GABBR2: variants seen among roughly 807,000 people sequenced by gnomAD.
The protein encoded by GABBR2 is gamma-aminobutyric acid type B receptor subunit 2.
Under a neutral mutation model 105.6 loss-of-function variants are expected in GABBR2, and 23 were observed. That is an observed-to-expected ratio of 0.22 (90% CI 0.16 to 0.31). GABBR2 has a LOEUF of 0.31. GABBR2 is among the 10% of genes least tolerant of loss of function. The pLI is 1.00. For missense variants in GABBR2, 734 were observed against 1,245.5 expected (o/e 0.59, Z 6.18); for synonymous variants, 478 against 499.7 (o/e 0.96, Z 0.58).
rs146319888 is a variant in GABBR2, at chr9:98,586,156, G to T, written c.322-8084C>A. 3.5e-3 allele frequency among the ~76,000 whole-genome samples: 525 copies of T among 152,148 alleles called. 10 individuals carry two copies. Among genetic ancestry groups the T allele is most frequent in the Admixed American group, 0.027 (412 of 15,290 alleles). On this transcript the variant is annotated intron_variant, in intron 1 of 18. Transcript: ENST00000259455. Reference sequence around the variant, plus strand: ...AGTATGAAAAATAGTAATGCGAACAGACAGTATATCCAGCATCACAGCTAT... The same window carrying T: ...AGTATGAAAAATAGTAATGCGAACATACAGTATATCCAGCATCACAGCTAT...
At chr9:98,496,790 G>A (rs1374627205) in intron 3 of GABBR2, among the ~76,000 whole-genome samples, 1 of 152,206 alleles carries the variant, frequency 6.6e-6, no homozygotes, top group South Asian at 2.1e-4. Flanking sequence ...GTCAAGATTA[G>A]CACCTTTGCT....
At chr9:98,350,399 T>C (rs1030009255) in intron 13 of GABBR2, among the ~76,000 whole-genome samples, 3 of 152,208 alleles carry the variant, frequency 2.0e-5, no homozygotes, top group Non-Finnish European at 4.4e-5. Flanking sequence ...CTCTTTGCAC[T>C]GCTTTTGCTG....
chr9:98,483,022 C>G (rs892262524), intron 4 of GABBR2, among the ~76,000 whole-genome samples: 1 of 152,134 alleles, frequency 6.6e-6, no homozygotes, highest in African/African-American at 2.4e-5. Context: ...AATCTCTCCC[C>G]CCAGCCTCAG....
At chr9:98,451,593 A>G (rs1417489366) in intron 7 of GABBR2, among the ~76,000 whole-genome samples, 2 of 152,146 alleles carry the variant, frequency 1.3e-5, no homozygotes, top group Non-Finnish European at 2.9e-5. Context: ...GGTTTGTTAA[A>G]ACACAGATGG....
rs1317187707 is a variant in GABBR2, at chr9:98,373,079, G to A, written c.1663-1508C>T. Reference sequence around the variant, plus strand: ...CATTATTACCCAGATGATCATAAAAGGATGTGAGAAAAATATACAAAACAG... The same window carrying A: ...CATTATTACCCAGATGATCATAAAAAGATGTGAGAAAAATATACAAAACAG... On this transcript the variant is annotated intron_variant, in intron 11 of 18. Transcript: ENST00000259455. Among the ~76,000 whole-genome samples, 4 of 152,036 alleles carry A rather than the reference G, an allele frequency of 2.6e-5. No individual in the cohort carries two copies. In the East Asian group the frequency reaches 7.7e-4, roughly 29 times the overall value.
chr9:98,610,914 C>T (rs1240237080), intron 1 of GABBR2, among the ~76,000 whole-genome samples: 1 of 152,138 alleles, frequency 6.6e-6, no homozygotes, highest in Non-Finnish European at 1.5e-5. Flanking sequence ...ATTGCTTGAG[C>T]CCGGGAGGCA....
chr9:98,451,053 G>A (rs978915860), intron 7 of GABBR2, among the ~76,000 whole-genome samples: 7 of 152,140 alleles, frequency 4.6e-5, no homozygotes, highest in African/African-American at 1.7e-4. Context: ...AATGCTACCC[G>A]TGGGACCCTG....
rs575107074 is a variant in GABBR2 at position 98,316,914 on chromosome 9, G to A, written c.1894-5709C>T. On this transcript the variant is annotated intron_variant, in intron 13 of 18. Coordinates refer to ENST00000259455, the MANE Select transcript of GABBR2 (RefSeq NM_005458.8). ...CTCGGGGCTGAGATTAAACCCAGGC[G>A]TGTGTGACTCTCAAACCAGCACTCC... 8.5e-5 allele frequency among the ~76,000 whole-genome samples: 13 copies of A among 152,256 alleles called. 1 individual carries two copies. The highest frequency in any genetic ancestry group is 7.7e-4 in the East Asian group (4 of 5,184).
At chr9:98,343,327 T>C (rs1831246737) in intron 13 of GABBR2, among the ~76,000 whole-genome samples, 1 of 152,164 alleles carries the variant, frequency 6.6e-6, no homozygotes, top group Admixed American at 6.5e-5. Context: ...CCTGCCACAG[T>C]GGCTGCCCTG....
At chr9:98,602,471 AAAAT>A in intron 1 of GABBR2, among the ~76,000 whole-genome samples, 1 of 151,190 alleles carries the variant, frequency 6.6e-6, no homozygotes, top group Non-Finnish European at 1.5e-5. Flanking sequence ...AAAAAAAAAA[AAAAT>A]GGTAAATGTC....
At chr9:98,452,685 T>C (rs77589545) in intron 7 of GABBR2, among the ~76,000 whole-genome samples, 6,403 of 152,336 alleles carry the variant, frequency 0.042, 190 homozygotes, top group East Asian at 0.15. Context: ...TAATACGCAA[T>C]CAAGAAGTAT....
intron 1 of GABBR2, among the ~76,000 whole-genome samples, chr9:98,680,601 G>A (rs1830532836): frequency 6.6e-6 from 1 of 152,128 alleles, no homozygotes; most frequent in South Asian, 2.1e-4. Context: ...GAGCCACCAT[G>A]CCCGGCCTCT....
intron 3 of GABBR2, among the ~76,000 whole-genome samples, chr9:98,526,946 C>T (rs1283516615): frequency 6.8e-6 from 1 of 147,704 alleles, no homozygotes; most frequent in East Asian, 2.6e-4. Context: ...GACATCAAAC[C>T]TTACTAAGAG....
At chr9:98,662,225 C>T (rs1048346342) in intron 1 of GABBR2, among the ~76,000 whole-genome samples, 4 of 152,130 alleles carry the variant, frequency 2.6e-5, no homozygotes, top group Admixed American at 6.5e-5. Flanking sequence ...TGTTGGTGGT[C>T]GGTGGGACAC....
intron 1 of GABBR2, among the ~76,000 whole-genome samples, chr9:98,636,995 CAGTT>C (rs1395156119): frequency 2.0e-5 from 3 of 152,134 alleles, no homozygotes; most frequent in African/African-American, 4.8e-5. Context: ...CGTTTGGAAA[CAGTT>C]AGCTCACCCG....
intron 6 of GABBR2, among the ~76,000 whole-genome samples, chr9:98,455,488 A>G (rs1826310021): frequency 6.6e-6 from 1 of 152,214 alleles, no homozygotes; most frequent in Admixed American, 6.5e-5. Flanking sequence ...AGTCACGGGC[A>G]TGCAGTCAGT....
intron 11 of GABBR2, among the ~76,000 whole-genome samples, chr9:98,372,972 T>C (rs1831811684): frequency 6.6e-6 from 1 of 151,174 alleles, no homozygotes; most frequent in South Asian, 2.1e-4. Context: ...TTTCTTTTTC[T>C]TTTTTTTTAA....
intron 3 of GABBR2, among the ~76,000 whole-genome samples, chr9:98,516,735 T>TG: frequency 6.6e-6 from 1 of 152,146 alleles, no homozygotes; most frequent in South Asian, 2.1e-4. Flanking sequence ...GCACAAGGCT[T>TG]GGCACAGAGC....
chr9:98,706,600 C>G (rs934056949), intron 1 of GABBR2, among the ~76,000 whole-genome samples: 3 of 152,196 alleles, frequency 2.0e-5, no homozygotes, highest in African/African-American at 4.8e-5. Context: ...CACCCTGAAA[C>G]GAAGCACCCA....
Sources: gnomAD v4.1 joint callset for allele counts (sites outside exome capture counted in the v4.1 genomes callset) on GRCh38, gnomAD v4.1.1 for gene constraint, MANE v1.5 for transcripts, NCBI Gene and HGNC (gene_info 2026-07-23, HGNC 2026-07-21) for gene names.